The following LACTB2 variants were observed in gnomAD, a reference collection of about 807,000 sequenced individuals.
The protein encoded by LACTB2 is endoribonuclease LACTB2.
A neutral mutation model predicts 34.8 loss-of-function variants in LACTB2; 32 were observed. The ratio of observed to expected loss-of-function variants is 0.92; its 90% CI spans 0.69 to 1.24. LACTB2 has a LOEUF of 1.24. Ranked by LOEUF, LACTB2 falls within the 50% of genes most tolerant of loss-of-function variation. LACTB2 has a pLI of 0.00. For missense variants in LACTB2, 320 were observed against 345.0 expected (o/e 0.93, Z 0.57); for synonymous variants, 120 against 117.5 (o/e 1.02, Z -0.14).
chr8:70,657,871 A>T lies in LACTB2; in HGVS notation c.298T>A (p.Cys100Ser). 6.3e-7 allele frequency: 1 copy of T among 1,594,564 alleles called. No individual in the cohort carries two copies. Among genetic ancestry groups the T allele is most frequent in the Non-Finnish European group, 8.6e-7 (1 of 1,163,232 alleles). ...GGATTCCGTGGGAGTTTTTTAATGC[A>T]ATAGGTAGTGTCTAGTCATAAAACA... Reference protein sequence around the residue: ...CKSINNDTTYCIKKLPRNPQR... With the variant: ...CKSINNDTTYSIKKLPRNPQR... The change falls in exon 3 of 7, where the codon TGC becomes AGC. Residue 100 changes from cysteine to serine, a missense_variant. Cys to Ser is a moderately radical substitution (Grantham distance 112, BLOSUM62 -1). Transcript: ENST00000276590.
At chr8:70,653,605 A>G (rs940263191) in intron 3 of LACTB2, 2 of 152,176 alleles carry the variant, frequency 1.3e-5, no homozygotes, top group Admixed American at 1.3e-4. Context: ...GCTAGAGGTG[A>G]GGATGTGAGG....
intron 5 of LACTB2, among the ~76,000 whole-genome samples, chr8:70,639,323 C>T (rs1818166059): frequency 6.6e-6 from 1 of 151,772 alleles, no homozygotes; most frequent in African/African-American, 2.4e-5. Context: ...CCATGCCTCG[C>T]TAATTTTTGT....
intron 3 of LACTB2, among the ~76,000 whole-genome samples, chr8:70,644,948 T>C (rs1438455285): frequency 6.6e-6 from 1 of 152,186 alleles, no homozygotes; most frequent in African/African-American, 2.4e-5. Flanking sequence ...TATGCATATT[T>C]ATATATTTTA....
chr8:70,657,764 G>A lies in LACTB2; in HGVS notation c.405C>T (p.Ala135=). Residue 135 remains alanine, a synonymous_variant, in exon 3 of 7, where the codon GCC becomes GCT. Coordinates refer to ENST00000276590, the MANE Select transcript of LACTB2 (RefSeq NM_016027.3). ...KDGDVIKTEG[A]TLRVLYTPGH... is the part of the protein sequence containing the mutation. ...AAGGGACATTTACTTACCTTAGAGT[G>A]GCTCCCTCAGTCTTAATCACATCTC... The A allele has an allele frequency of 6.2e-7, 1 of 1,611,356 alleles. No individual in the cohort carries two copies.
At chr8:70,664,569 G>A (rs969021865) in intron 1 of LACTB2, among the ~76,000 whole-genome samples, 2 of 151,742 alleles carry the variant, frequency 1.3e-5, no homozygotes, top group African/African-American at 4.8e-5. Flanking sequence ...GATAAAAGAA[G>A]GGCTCTCAAA....
intron 3 of LACTB2, among the ~76,000 whole-genome samples, chr8:70,645,324 G>A (rs1374213554): frequency 2.6e-5 from 4 of 152,014 alleles, no homozygotes; most frequent in Non-Finnish European, 4.4e-5. Context: ...TCTTTATGTT[G>A]CCTAGGCTGG....
rs770472560 is a variant in LACTB2 at position 70,669,035 on chromosome 8, T to C, written c.86A>G (p.Gln29Arg). Residue 29 changes from glutamine to arginine, a missense_variant, in exon 1 of 7, where the codon CAA (glutamine) becomes CGA (arginine). By Grantham distance (43) the Gln-to-Arg change is conservative (BLOSUM62 1). Coordinates refer to ENST00000276590, the MANE Select transcript of LACTB2 (RefSeq NM_016027.3). ...LGCNPGPMTLQGTNTYLVGTG... is the reference protein window; with the variant it reads ...LGCNPGPMTLRGTNTYLVGTG... Reference sequence around the variant, plus strand: ...CCCCACTAGGTAGGTGTTGGTGCCTTGGAGGGTCATGGGACCCGGGTTACA... The same window carrying C: ...CCCCACTAGGTAGGTGTTGGTGCCTCGGAGGGTCATGGGACCCGGGTTACA... The C allele has an allele frequency of 1.1e-5, 17 of 1,607,420 alleles. No individual in the cohort carries two copies. Among genetic ancestry groups the C allele is most frequent in the Middle Eastern group, 1.7e-4 (1 of 6,024 alleles).
intron 3 of LACTB2, among the ~76,000 whole-genome samples, chr8:70,644,546 A>G (rs1289151445): frequency 6.6e-6 from 1 of 152,192 alleles, no homozygotes; most frequent in Non-Finnish European, 1.5e-5. Context: ...ATCACAGGTC[A>G]CTGCAGGCTC....
Position 70,640,940 on chromosome 8 carries a change from A to G in LACTB2, c.703T>C (p.Ser235Pro). The G allele has an allele frequency of 6.2e-7, 1 of 1,607,214 alleles. No individual in the cohort carries two copies. The highest frequency in any genetic ancestry group is 8.5e-7 in the Non-Finnish European group (1 of 1,177,734). The change falls in exon 5 of 7, where the codon TCA (serine) becomes CCA (proline). Residue 235 changes from serine to proline, a missense_variant. By Grantham distance (74) the Ser-to-Pro change is moderately conservative. Transcript: ENST00000276590. ...LTLFRENFEK[S>P]FTVMELVKII... ...TTTACAAGCTCCATTACTGTAAATG[A>G]TTTCTCAAAGTTCTCACGAAATAAT... is the stretch of plus-strand genomic sequence containing the variant.
At chr8:70,647,285 C>T (rs923107154) in intron 3 of LACTB2, among the ~76,000 whole-genome samples, 12 of 151,140 alleles carry the variant, frequency 7.9e-5, no homozygotes, top group African/African-American at 2.9e-4. Flanking sequence ...CAGGGTCTCG[C>T]TCTGTCGCCC....
chr8:70,665,026 A>G (rs1366160518), intron 1 of LACTB2, among the ~76,000 whole-genome samples: 2 of 152,142 alleles, frequency 1.3e-5, no homozygotes, highest in Non-Finnish European at 2.9e-5. Context: ...TCAGCTATAC[A>G]TTTGAAAAAA....
At chr8:70,660,365 T>C (rs1818466447) in intron 2 of LACTB2, 2 of 319,274 alleles carry the variant, frequency 6.3e-6, no homozygotes, top group Non-Finnish European at 1.2e-5. Flanking sequence ...AGATTATAAG[T>C]TCCTATGGTA....
chr8:70,651,919 A>T (rs1314287917), intron 3 of LACTB2: 1 of 152,218 alleles, frequency 6.6e-6, no homozygotes, highest in Admixed American at 6.5e-5. Context: ...TAGTTCTGTT[A>T]CTTCTGTGAT....
At chr8:70,656,640 C>G (rs1818415344) in intron 3 of LACTB2, among the ~76,000 whole-genome samples, 1 of 152,068 alleles carries the variant, frequency 6.6e-6, no homozygotes, top group South Asian at 2.1e-4. Context: ...GTTCTTTTTG[C>G]TTAGTCTTGC....
intron 4 of LACTB2, 152 bp downstream of exon 4, chr8:70,643,913 C>G (rs764287780): frequency 5.0e-6 from 3 of 601,344 alleles, no homozygotes; most frequent in Non-Finnish European, 7.3e-6. Flanking sequence ...GAAAAACTAC[C>G]CACTTTGGCA....
intron 1 of LACTB2, among the ~76,000 whole-genome samples, chr8:70,665,726 A>G (rs1386116958): frequency 1.3e-5 from 2 of 152,214 alleles, no homozygotes; most frequent in African/African-American, 4.8e-5. Context: ...CCAAAGTCAT[A>G]TGGCTAGTAA....
intron 4 of LACTB2, among the ~76,000 whole-genome samples, chr8:70,641,791 A>G (rs1289446787): frequency 6.6e-6 from 1 of 152,232 alleles, no homozygotes; most frequent in East Asian, 1.9e-4. Flanking sequence ...TATATATTAT[A>G]TAAGTCTGCA....
chr8:70,657,612 G>C, intron 3 of LACTB2, 144 bp downstream of exon 3: 1 of 591,132 alleles, frequency 1.7e-6, no homozygotes, highest in Non-Finnish European at 2.7e-6. Flanking sequence ...ATTTTTTTTT[G>C]GTATTGCCCA....
chr8:70,649,058 A>G (rs1818303731), intron 3 of LACTB2, among the ~76,000 whole-genome samples: 1 of 152,214 alleles, frequency 6.6e-6, no homozygotes, highest in African/African-American at 2.4e-5. Flanking sequence ...CTTAGAATCT[A>G]TACTCATAAA....
Sources: gnomAD v4.1 joint callset for allele counts (sites outside exome capture counted in the v4.1 genomes callset) on GRCh38, gnomAD v4.1.1 for gene constraint, MANE v1.5 for transcripts, NCBI Gene and HGNC (gene_info 2026-07-23, HGNC 2026-07-21) for gene names.